The following EP400 variants were observed in gnomAD, a reference collection of about 807,000 sequenced individuals.
The protein encoded by EP400 is E1A binding protein p400.
A neutral mutation model predicts 354.1 loss-of-function variants in EP400; 105 were observed. The observed-to-expected ratio is 0.30, with a 90% CI of 0.25 to 0.35. The LOEUF is 0.35. EP400 is among the 10% of genes least tolerant of loss of function. The probability of loss-of-function intolerance (pLI) is 1.00; values close to 1 mark genes in which losing one functional copy is unlikely to be tolerated. For missense variants in EP400, 3,280 were observed against 4,121.0 expected (o/e 0.80, Z 5.59); for synonymous variants, 1,646 against 1,716.9 (o/e 0.96, Z 1.02).
intron 48 of EP400, 87 bp downstream of exon 48, chr12:132,064,973 G>C: frequency 2.0e-6 from 3 of 1,508,652 alleles, no homozygotes; most frequent in Non-Finnish European, 2.7e-6. Flanking sequence ...TGCGTGTCAC[G>C]TGTTACAGGA....
intron 19 of EP400, among the ~76,000 whole-genome samples, chr12:132,015,708 G>T (rs1460325150): frequency 6.6e-6 from 1 of 152,144 alleles, no homozygotes; most frequent in Non-Finnish European, 1.5e-5. Flanking sequence ...AGAGCGCTTG[G>T]ACTCCTCAAG....
intron 2 of EP400, among the ~76,000 whole-genome samples, chr12:131,972,037 A>C (rs761083695): frequency 1.3e-5 from 2 of 152,208 alleles, no homozygotes; most frequent in Non-Finnish European, 2.9e-5. Context: ...TTTGAGTTAC[A>C]GACTTGCGGC....
At chr12:132,031,783 C>T (rs1487984142) in intron 29 of EP400, among the ~76,000 whole-genome samples, 170 bp from the exon 30 acceptor site, 1 of 152,128 alleles carries the variant, frequency 6.6e-6, no homozygotes, top group African/African-American at 2.4e-5. Context: ...TCTCGATCTG[C>T]TGACCTTGTG....
intron 11 of EP400, among the ~76,000 whole-genome samples, 175 bp downstream of exon 11, chr12:131,992,405 T>C (rs1262027903): frequency 1.3e-5 from 2 of 152,190 alleles, no homozygotes; most frequent in African/African-American, 4.8e-5. Flanking sequence ...TCTAGAGGAC[T>C]TGGGATGTTT....
At position 132,020,090 on chromosome 12, in the gene EP400, G is replaced by A. The variant is rs777733240; in HGVS notation, c.4319G>A (p.Arg1440His). 31 of 1,597,692 alleles carry A rather than the reference G, an allele frequency of 1.9e-5. No individual in the cohort carries two copies. The highest frequency in any genetic ancestry group is 2.5e-5 in the Non-Finnish European group (29 of 1,171,994). Residue 1440 changes from arginine to histidine, a missense_variant, in exon 22 of 53, where the codon CGC becomes CAC. Physicochemically the swap from Arg to His is conservative, Grantham distance 29. This residue lies in a region of EP400 where 342 missense variants were observed against 342.7 expected (regional missense o/e 1.00). Transcript: ENST00000389561. The stretch of plus-strand genomic sequence containing the variant: ...CAGTATGGCCAGAAGCCCGAGGGTC[G>A]CACCGTGGCTTTCCCCAGCACTCAC... ...PVQYGQKPEG[R>H]TVAFPSTHPP...
In EP400 at chr12:131,950,017, G is replaced by A; in HGVS notation, c.-55G>A. 1 of 151,856 alleles carries A rather than the reference G, an allele frequency of 6.6e-6. No individual in the cohort carries two copies. The highest frequency in any genetic ancestry group is 1.5e-5 in the Non-Finnish European group (1 of 67,916). The allele number at this position is 151,856 out of a possible 1,614,324, so 9.4% of individuals were successfully genotyped here. A position where few individuals can be genotyped will look rare whatever the true frequency, so the allele number is the denominator to read the frequency against. ...CTCCCGCCCTCCTGACGCGGCCGGAGCGCAGCCCTGAGGCCCAGGGTAAGT... is the reference window on the plus strand; with the variant it reads ...CTCCCGCCCTCCTGACGCGGCCGGAACGCAGCCCTGAGGCCCAGGGTAAGT... On this transcript the variant is annotated 5_prime_UTR_variant, in exon 1 of 53. Coordinates refer to ENST00000389561, the MANE Select transcript of EP400 (RefSeq NM_015409.5).
At chr12:132,045,142 G>A (rs1455908431) in intron 37 of EP400, among the ~76,000 whole-genome samples, 177 bp from the exon 38 acceptor site, 1 of 152,160 alleles carries the variant, frequency 6.6e-6, no homozygotes, top group Non-Finnish European at 1.5e-5. Context: ...GGAAACCTTC[G>A]TGTTTCATTC....
rs376670727 is a variant in EP400 at position 132,029,979 on chromosome 12, C to G, written c.5585-10C>G. 214 of 1,613,670 alleles carry G rather than the reference C, an allele frequency of 1.3e-4. 10 individuals carry two copies. The South Asian group carries it at 2.0e-3, about 15-fold the overall frequency. On this transcript the variant is annotated splice_polypyrimidine_tract_variant and intron_variant, in intron 28 of 52. Coordinates refer to ENST00000389561, the MANE Select transcript of EP400 (RefSeq NM_015409.5). The surrounding 1 kb of genome is among the most constrained non-coding windows in gnomAD (Gnocchi z 4.7). ...ATGATGAGGCGCTCTTGATGTGATTCGTTTCCCAGGGAAGTTGGAAGCTTT... is the reference window on the plus strand; with the variant it reads ...ATGATGAGGCGCTCTTGATGTGATTGGTTTCCCAGGGAAGTTGGAAGCTTT...
Position 132,078,927 on chromosome 12 carries a change from C to A in EP400, c.*1254C>A, listed in dbSNP as rs370767983. 1 of 152,182 alleles carries A rather than the reference C, an allele frequency of 6.6e-6. No homozygotes were observed. The highest frequency in any genetic ancestry group is 1.5e-5 in the Non-Finnish European group (1 of 68,050). The allele number at this position is 152,182 out of a possible 1,614,324, so 9.4% of individuals were successfully genotyped here. On this transcript the variant is annotated 3_prime_UTR_variant, in exon 53 of 53. Coordinates refer to ENST00000389561, the MANE Select transcript of EP400 (RefSeq NM_015409.5). ...TTAGTGGAATTGATTGACAGTGTCTCCTTACTTTGAAGTTTTCACCAAAGC... is the reference window on the plus strand; with the variant it reads ...TTAGTGGAATTGATTGACAGTGTCTACTTACTTTGAAGTTTTCACCAAAGC...
chr12:131,992,107 C>T, intron 10 of EP400, 66 bp from the exon 11 acceptor site: 2 of 1,547,888 alleles, frequency 1.3e-6, no homozygotes, highest in South Asian at 2.2e-5. Flanking sequence ...ATGGACACTG[C>T]TGTCTTGGTT....
At chr12:131,969,567 C>G (rs905847624) in intron 2 of EP400, among the ~76,000 whole-genome samples, 1 of 152,186 alleles carries the variant, frequency 6.6e-6, no homozygotes, top group Non-Finnish European at 1.5e-5. Flanking sequence ...CGACATACCT[C>G]TCTTACTTCC....
intron 12 of EP400, among the ~76,000 whole-genome samples, chr12:132,001,255 G>T (rs938993809): frequency 1.3e-5 from 2 of 152,178 alleles, no homozygotes; most frequent in African/African-American, 4.8e-5. Context: ...AAGGGGCAGG[G>T]TAAATAGTGT....
At chr12:131,986,138 C>T (rs1892846510) in intron 5 of EP400, among the ~76,000 whole-genome samples, 1 of 152,096 alleles carries the variant, frequency 6.6e-6, no homozygotes, top group Non-Finnish European at 1.5e-5. Context: ...CCACACCTGG[C>T]TAATTTTTAA....
At chr12:132,046,296 C>T (rs1364641728) in intron 39 of EP400, among the ~76,000 whole-genome samples, 4 of 152,148 alleles carry the variant, frequency 2.6e-5, no homozygotes, top group African/African-American at 9.7e-5. Context: ...AGACCTCTCG[C>T]TTGGTTTTGA....
chr12:131,956,872 C>CG, intron 1 of EP400, among the ~76,000 whole-genome samples: 1 of 94,316 alleles, frequency 1.1e-5, no homozygotes, highest in Non-Finnish European at 2.2e-5. Flanking sequence ...CTTTTTTTGT[C>CG]CTTTTTTTTT....
At chr12:131,958,283 G>C (rs1259492512) in intron 1 of EP400, among the ~76,000 whole-genome samples, 2 of 152,074 alleles carry the variant, frequency 1.3e-5, no homozygotes, top group Non-Finnish European at 2.9e-5. Context: ...TGGGCTCTCT[G>C]CCGGGTGGTG....
chr12:131,992,099 G>A lies in EP400; in HGVS notation c.2680-74G>A, dbSNP rs1893059322. ...CCGGGGCTCCCCCAACCTGTCCCAT[G>A]GACACTGCTGTCTTGGTTTCCCATT... On this transcript the variant is annotated intron_variant, in intron 10 of 52. Transcript: ENST00000389561. 5 of 1,527,702 alleles carry A rather than the reference G, an allele frequency of 3.3e-6. No individual in the cohort carries two copies. The South Asian group carries it at 5.6e-5, about 17-fold the overall frequency. 94.6% of individuals were successfully genotyped at this position (1,527,702 alleles called of 1,614,324 possible).
chr12:132,062,137 G>A lies in EP400; in HGVS notation c.7912G>A (p.Val2638Met). The A allele has an allele frequency of 1.2e-6, 2 of 1,613,660 alleles. No homozygotes were observed. The highest frequency in any genetic ancestry group is 1.7e-6 in the Non-Finnish European group (2 of 1,179,870). ...GCCGGGAGGCTCTGCTCCCGCCCAG[G>A]TGGTGCACACCCAGCCCCCGCCACG... ...TTPGGSAPAQ[V>M]VHTQPPPRAV... is the part of the protein sequence containing the mutation. Residue 2638 changes from valine (V) to methionine (M), a missense_variant, in exon 46 of 53, where the codon GTG becomes ATG. Physicochemically the swap from Val to Met is conservative, Grantham distance 21. Around this residue, in one of 20 missense-constraint regions of EP400, gnomAD observed 255 missense variants for 295.9 expected, o/e 0.86. Coordinates refer to ENST00000389561, the MANE Select transcript of EP400 (RefSeq NM_015409.5).
intron 5 of EP400, among the ~76,000 whole-genome samples, chr12:131,984,923 C>T (rs1461570138): frequency 6.6e-6 from 1 of 151,768 alleles, no homozygotes; most frequent in Non-Finnish European, 1.5e-5. Flanking sequence ...CTCTAAATAA[C>T]TTTATATTCT....
Sources: allele counts gnomAD v4.1 joint callset (sites outside exome capture counted in the v4.1 genomes callset), GRCh38; gene constraint gnomAD v4.1.1; regional missense constraint gnomAD v4.1.1; non-coding constraint Gnocchi (gnomAD v3.1); transcripts MANE v1.5; gene names NCBI Gene and HGNC (gene_info 2026-07-23, HGNC 2026-07-21).